The following WDR70 variants were observed in gnomAD, a reference collection of about 807,000 sequenced individuals.
WDR70 encodes the protein WD repeat domain 70, also known as WD repeat-containing protein 70.
In WDR70, 53 loss-of-function variants were observed where a neutral mutation model predicts 88.6. The ratio of observed to expected loss-of-function variants is 0.60; its 90% CI spans 0.48 to 0.75. The LOEUF is 0.75. Ranked by LOEUF, WDR70 falls within the 30% of genes least tolerant of loss-of-function variation. WDR70 has a pLI of 0.00. For missense variants in WDR70, 610 were observed against 823.2 expected (o/e 0.74, Z 3.17); for synonymous variants, 280 against 270.0 (o/e 1.04, Z -0.36).
At chr5:37,513,302 TGA>T (rs1174846764) in intron 8 of WDR70, among the ~76,000 whole-genome samples, 1 of 152,050 alleles carries the variant, frequency 6.6e-6, no homozygotes, top group Non-Finnish European at 1.5e-5. Flanking sequence ...GCATGTAAAC[TGA>T]GAGTGAAATA....
chr5:37,462,209 T>G (rs1046703793), intron 7 of WDR70, among the ~76,000 whole-genome samples: 1 of 152,152 alleles, frequency 6.6e-6, no homozygotes, highest in African/African-American at 2.4e-5. Flanking sequence ...GATTTCTTAT[T>G]TATATTCTTT....
chr5:37,664,763 G>A (rs536204518), intron 10 of WDR70, among the ~76,000 whole-genome samples: 7 of 152,336 alleles, frequency 4.6e-5, no homozygotes, highest in African/African-American at 9.6e-5. Context: ...CTGGCATAGT[G>A]CCTTGCACAT....
chr5:37,744,164 G>C lies in WDR70; in HGVS notation c.1878-8322G>C, dbSNP rs888473887. Among the ~76,000 whole-genome samples, 14 of 152,242 alleles carry C rather than the reference G, an allele frequency of 9.2e-5. No individual in the cohort carries two copies. In the South Asian group the frequency reaches 1.5e-3, roughly 16 times the overall value. Reference sequence around the variant, plus strand: ...GCCTGAAGTGAACCCCCAGCAAACTGCAGCAGCTCTAGAGAAGAGTAGCCC... The same window carrying C: ...GCCTGAAGTGAACCCCCAGCAAACTCCAGCAGCTCTAGAGAAGAGTAGCCC... On this transcript the variant is annotated intron_variant, in intron 17 of 17. Transcript: ENST00000265107.
intron 9 of WDR70, among the ~76,000 whole-genome samples, chr5:37,599,232 A>G (rs772349365): frequency 6.6e-6 from 1 of 152,274 alleles, no homozygotes; most frequent in Non-Finnish European, 1.5e-5. Flanking sequence ...TCTAACTTCT[A>G]TATAAAACCC....
chr5:37,712,036 A>G (rs1747528221), intron 13 of WDR70, among the ~76,000 whole-genome samples: 1 of 137,382 alleles, frequency 7.3e-6, no homozygotes, highest in South Asian at 2.3e-4. Flanking sequence ...TCGGTCACAC[A>G]GGCTGGAGTG....
intron 10 of WDR70, among the ~76,000 whole-genome samples, chr5:37,671,809 G>A (rs1746033582): frequency 6.6e-6 from 1 of 152,146 alleles, no homozygotes; most frequent in South Asian, 2.1e-4. Context: ...ATTTCCAGAG[G>A]TGGCATATTT....
At chr5:37,650,318 G>A (rs1403217458) in intron 10 of WDR70, among the ~76,000 whole-genome samples, 1 of 151,776 alleles carries the variant, frequency 6.6e-6, no homozygotes, top group Non-Finnish European at 1.5e-5. Context: ...GGAGGATGGT[G>A]TGAACCCAGG....
intron 10 of WDR70, among the ~76,000 whole-genome samples, chr5:37,689,282 A>G (rs577457524): frequency 6.6e-6 from 1 of 152,350 alleles, no homozygotes; most frequent in African/African-American, 2.4e-5. Context: ...AAGGCAGCAG[A>G]CAACTTCTGC....
At chr5:37,404,949 TG>T (rs1216182878) in intron 5 of WDR70, among the ~76,000 whole-genome samples, 4 of 152,176 alleles carry the variant, frequency 2.6e-5, no homozygotes, top group African/African-American at 9.7e-5. Flanking sequence ...GGATTACTGC[TG>T]GGTGTGTGGT....
rs545007513 is a variant in WDR70 at position 37,522,344 on chromosome 5, G to A, written c.917+5754G>A. On this transcript the variant is annotated intron_variant, in intron 9 of 17. Coordinates refer to ENST00000265107, the MANE Select transcript of WDR70 (RefSeq NM_018034.4). ...AAATTAGCTGGGCATGGTGGCATGCGCCTATAGTCCCAGCTACCTGTGAGG... is the reference window on the plus strand; with the variant it reads ...AAATTAGCTGGGCATGGTGGCATGCACCTATAGTCCCAGCTACCTGTGAGG... Among the ~76,000 whole-genome samples the A allele has an allele frequency of 5.3e-4, 81 of 151,990 alleles. 1 individual carries two copies. Among genetic ancestry groups the A allele is most frequent in the Non-Finnish European group, 1.1e-3 (73 of 67,982 alleles).
chr5:37,413,875 G>A (rs560840533), intron 5 of WDR70, among the ~76,000 whole-genome samples: 1 of 152,192 alleles, frequency 6.6e-6, no homozygotes, highest in East Asian at 1.9e-4. Context: ...GCCGGGCACA[G>A]TGGCTCACGT....
rs1414921764 is a variant in WDR70 at position 37,462,026 on chromosome 5, T to C, written c.687-17808T>C. On this transcript the variant is annotated intron_variant, in intron 7 of 17. Coordinates refer to ENST00000265107, the MANE Select transcript of WDR70 (RefSeq NM_018034.4). ...GGTGCTTTCCTAATCATTCTGATCT[T>C]TTCCTACTAGAAATTTCTGGATAAT... 2.0e-5 allele frequency among the ~76,000 whole-genome samples: 3 copies of C among 152,178 alleles called. No homozygotes were observed. In the East Asian group the frequency reaches 5.8e-4, roughly 29 times the overall value.
intron 8 of WDR70, chr5:37,505,571 G>A (rs887250087): frequency 6.0e-6 from 4 of 666,580 alleles, no homozygotes; most frequent in Admixed American, 2.4e-5. Context: ...TTCTCTCAAT[G>A]TTTTTTAAAA....
intron 9 of WDR70, among the ~76,000 whole-genome samples, chr5:37,519,400 G>C (rs879209149): frequency 6.8e-6 from 1 of 146,704 alleles, no homozygotes. Context: ...CCGGGCGGAG[G>C]CGCTCCTCAC....
chr5:37,400,165 C>T (rs1207397348), intron 5 of WDR70, among the ~76,000 whole-genome samples: 1 of 152,128 alleles, frequency 6.6e-6, no homozygotes, highest in Non-Finnish European at 1.5e-5. Context: ...CATTCCTAAC[C>T]TCAGGTGATC....
intron 7 of WDR70, among the ~76,000 whole-genome samples, chr5:37,478,531 G>A (rs1314487219): frequency 6.6e-6 from 1 of 152,212 alleles, no homozygotes; most frequent in Non-Finnish European, 1.5e-5. Context: ...ATATTGGGGA[G>A]TGTTTTGGGG....
At chr5:37,416,628 G>A (rs560014303) in intron 5 of WDR70, among the ~76,000 whole-genome samples, 18 of 150,846 alleles carry the variant, frequency 1.2e-4, no homozygotes, top group Non-Finnish European at 2.5e-4. Flanking sequence ...CACCCAGGCT[G>A]GAGTGCAATG....
In WDR70 at chr5:37,703,006, A is replaced by G. The variant is rs1195003895; in HGVS notation, c.1335A>G (p.Gln445=). ...DKLIVTGTSI[Q]RGCGSGKLVF... Reference sequence around the variant, plus strand: ...TCATAGTCACTGGTACATCTATTCAAAGAGGATGTGGCAGCGGCAAACTTG... The same window carrying G: ...TCATAGTCACTGGTACATCTATTCAGAGAGGATGTGGCAGCGGCAAACTTG... Residue 445 remains glutamine (Q), a synonymous_variant, in exon 13 of 18, where the codon CAA becomes CAG. Transcript: ENST00000265107. The G allele has an allele frequency of 6.2e-7, 1 of 1,613,920 alleles. No individual in the cohort carries two copies. The highest frequency in any genetic ancestry group is 8.5e-7 in the Non-Finnish European group (1 of 1,179,832).
intron 10 of WDR70, among the ~76,000 whole-genome samples, chr5:37,628,405 T>C (rs1030336924): frequency 7.9e-5 from 12 of 152,236 alleles, no homozygotes; most frequent in African/African-American, 2.9e-4. Context: ...CTGTGTTGGA[T>C]GCAAATATAT....
Sources: allele counts gnomAD v4.1 joint callset (sites outside exome capture counted in the v4.1 genomes callset), GRCh38; gene constraint gnomAD v4.1.1; transcripts MANE v1.5; gene names NCBI Gene and HGNC (gene_info 2026-07-23, HGNC 2026-07-21).